RAPGEF4: variants seen among roughly 807,000 people sequenced by gnomAD.
RAPGEF4 encodes Rap guanine nucleotide exchange factor 4.
In RAPGEF4, 66 loss-of-function variants were observed where a neutral mutation model predicts 147.9. The observed-to-expected ratio is 0.45, with a 90% confidence interval of 0.37 to 0.55. The LOEUF is 0.55. Ranked by LOEUF, RAPGEF4 falls within the 20% of genes least tolerant of loss-of-function variation. RAPGEF4 has a pLI of 0.00. For synonymous variants in RAPGEF4, 419 were observed against 442.7 expected (o/e 0.95, Z 0.67); for missense variants, 1,071 against 1,257.3 (o/e 0.85, Z 2.24).
At chr2:172,858,631 T>G (rs995284851) in intron 4 of RAPGEF4, among the ~76,000 whole-genome samples, 1 of 152,262 alleles carries the variant, frequency 6.6e-6, no homozygotes, top group Admixed American at 6.5e-5. Context: ...AATGGGAAGC[T>G]ATGCAGAGTT....
At chr2:173,027,284 G>GAA (rs200115209) in intron 25 of RAPGEF4, 25 bp downstream of exon 25, 2 of 1,505,470 alleles carry the variant, frequency 1.3e-6, no homozygotes, top group Non-Finnish European at 8.9e-7. Flanking sequence ...CTTGGAAAGA[G>GAA]AAAAAAAAAT....
intron 6 of RAPGEF4, among the ~76,000 whole-genome samples, chr2:172,938,622 A>G (rs917730553): frequency 8.5e-5 from 13 of 152,182 alleles, no homozygotes; most frequent in East Asian, 3.9e-4. Flanking sequence ...CATTTATTAT[A>G]CAGTCAAATT....
At chr2:173,003,549 G>A (rs1694153081) in intron 17 of RAPGEF4, among the ~76,000 whole-genome samples, 1 of 152,110 alleles carries the variant, frequency 6.6e-6, no homozygotes. Context: ...CTCTATCCTG[G>A]CAGGATTCTA....
intron 17 of RAPGEF4, among the ~76,000 whole-genome samples, chr2:173,003,168 A>C (rs1694107086): frequency 6.6e-6 from 1 of 151,820 alleles, no homozygotes; most frequent in Admixed American, 6.6e-5. Context: ...TTCGTGTATT[A>C]GCTTGTTCCC....
intron 1 of RAPGEF4, among the ~76,000 whole-genome samples, chr2:172,742,835 C>T (rs781479437): frequency 3.3e-5 from 5 of 152,158 alleles, no homozygotes; most frequent in Non-Finnish European, 4.4e-5. Context: ...TCAATCCACA[C>T]CCTTGACCCT....
chr2:172,744,733 G>A (rs1488246004), intron 1 of RAPGEF4, among the ~76,000 whole-genome samples: 1 of 152,158 alleles, frequency 6.6e-6, no homozygotes, highest in Admixed American at 6.5e-5. Flanking sequence ...AATAGAAGGG[G>A]TGAGAATGGA....
chr2:172,912,435 A>C (rs3769265), intron 4 of RAPGEF4, among the ~76,000 whole-genome samples: 4,714 of 152,264 alleles, frequency 0.031, 162 homozygotes, highest in East Asian at 0.11. Context: ...GTGAAGCACC[A>C]CCTTAAATCT....
chr2:173,041,827 A>G (rs560847326), intron 29 of RAPGEF4, among the ~76,000 whole-genome samples: 2 of 152,162 alleles, frequency 1.3e-5, no homozygotes, highest in African/African-American at 4.8e-5. Flanking sequence ...CTTTGCCTGA[A>G]ATTGTCTTCC....
chr2:172,979,947 G>A (rs559869770), intron 10 of RAPGEF4, among the ~76,000 whole-genome samples: 4 of 152,330 alleles, frequency 2.6e-5, no homozygotes, highest in Non-Finnish European at 5.9e-5. Flanking sequence ...AACTCGGGGG[G>A]CAGAGCTTGC....
chr2:172,771,233 G>A (rs2149488704), intron 1 of RAPGEF4, among the ~76,000 whole-genome samples: 1 of 152,232 alleles, frequency 6.6e-6, no homozygotes, highest in Admixed American at 6.5e-5. Context: ...TTCATAGGTG[G>A]TGCCCTCTTG....
At chr2:172,952,941 G>A (rs554603362) in intron 6 of RAPGEF4, among the ~76,000 whole-genome samples, 21 of 152,222 alleles carry the variant, frequency 1.4e-4, no homozygotes, top group African/African-American at 1.9e-4. Context: ...GGTATGTTGC[G>A]GAGAAACTTG....
chr2:172,910,264 A>C (rs1699970471), intron 4 of RAPGEF4, among the ~76,000 whole-genome samples: 1 of 151,952 alleles, frequency 6.6e-6, no homozygotes, highest in African/African-American at 2.4e-5. Context: ...CTCTCCAATA[A>C]CCTCTAGACA....
intron 1 of RAPGEF4, among the ~76,000 whole-genome samples, chr2:172,741,418 A>C (rs1694283473): frequency 6.6e-6 from 1 of 152,216 alleles, no homozygotes; most frequent in Non-Finnish European, 1.5e-5. Context: ...TCTGTAACCC[A>C]AAAAGGCCCT....
chr2:172,925,018 G>C (rs1462898028), intron 6 of RAPGEF4, among the ~76,000 whole-genome samples: 1 of 152,078 alleles, frequency 6.6e-6, no homozygotes, highest in African/African-American at 2.4e-5. Context: ...CATGATCTTG[G>C]CTCACTGCAA....
At chr2:172,985,389 C>A (rs1486061419) in intron 11 of RAPGEF4, 44 bp from the exon 12 acceptor site, 11 of 1,613,640 alleles carry the variant, frequency 6.8e-6, no homozygotes, top group Non-Finnish European at 9.3e-6. Context: ...TCCACCCAGA[C>A]CTGGAAATGT....
At chr2:172,765,591 C>T (rs186741365) in intron 1 of RAPGEF4, among the ~76,000 whole-genome samples, 1 of 152,316 alleles carries the variant, frequency 6.6e-6, no homozygotes, top group African/African-American at 2.4e-5. Context: ...GAGATCATGA[C>T]TATGCCTGTG....
chr2:172,879,081 C>G (rs1696308840), intron 4 of RAPGEF4, among the ~76,000 whole-genome samples: 1 of 152,118 alleles, frequency 6.6e-6, no homozygotes, highest in Non-Finnish European at 1.5e-5. Flanking sequence ...AATGCTTGCA[C>G]ATGTTCATAA....
At chr2:172,959,835 A>G (rs1360849176) in intron 6 of RAPGEF4, among the ~76,000 whole-genome samples, 1 of 152,218 alleles carries the variant, frequency 6.6e-6, no homozygotes, top group Non-Finnish European at 1.5e-5. Context: ...CATGCCTATA[A>G]TCCCAGCACT....
rs527806326 is a variant in RAPGEF4 at position 172,875,925 on chromosome 2, C to A, written c.445-41877C>A. On this transcript the variant is annotated intron_variant, in intron 4 of 30. Coordinates refer to ENST00000397081, the MANE Select transcript of RAPGEF4 (RefSeq NM_007023.4). ...TTGTATCCTCTTTATTTTCCTTGAG[C>A]AGTGGTTTGTAGTTCTCCTTGAAGA... is the stretch of plus-strand genomic sequence containing the variant. 9.9e-5 allele frequency among the ~76,000 whole-genome samples: 15 copies of A among 152,240 alleles called. 1 individual carries two copies. The highest frequency in any genetic ancestry group is 3.4e-4 in the African/African-American group (14 of 41,540).
Sources: allele counts gnomAD v4.1 joint callset (sites outside exome capture counted in the v4.1 genomes callset), GRCh38; gene constraint gnomAD v4.1.1; transcripts MANE v1.5; gene names NCBI Gene and HGNC (gene_info 2026-07-23, HGNC 2026-07-21).